ODF2: variants seen among roughly 807,000 people sequenced by gnomAD.
ODF2 encodes the protein outer dense fiber protein 2.
A neutral mutation model predicts 110.2 loss-of-function variants in ODF2; 47 were observed. The ratio of observed to expected loss-of-function variants is 0.43; its 90% CI spans 0.34 to 0.54. ODF2 has a LOEUF of 0.54. ODF2 is among the 20% of genes least tolerant of loss of function. The pLI, the probability that ODF2 is intolerant of heterozygous loss-of-function variation, is 0.03. For missense variants in ODF2, 812 were observed against 1,054.5 expected, an observed-to-expected ratio of 0.77 and a Z score of 3.19; for synonymous variants, 352 against 397.7, an observed-to-expected ratio of 0.89 and a Z score of 1.37.
intron 9 of ODF2, 33 bp downstream of exon 9, chr9:128,481,684 GTACAGGTGGCAAGAGCGTCGTTCCAC>G: frequency 6.4e-7 from 1 of 1,569,512 alleles, no homozygotes; most frequent in Non-Finnish European, 8.7e-7. Context: ...ACTCTAGTGG[GTACAGGTGGCAAGAGCGTCGTTCCAC>G]TACAAAGTGT....
intron 10 of ODF2, among the ~76,000 whole-genome samples, 174 bp downstream of exon 10, chr9:128,483,061 A>T (rs1842726088): frequency 6.6e-6 from 1 of 151,912 alleles, no homozygotes; most frequent in Admixed American, 6.6e-5. Flanking sequence ...ACGCCCAGCT[A>T]ATTTTTGTAT....
rs2132063129 is a variant in ODF2, at chr9:128,485,618, T to C, written c.1400+144T>C. 1 of 594,540 alleles carries C rather than the reference T, an allele frequency of 1.7e-6. No individual in the cohort carries two copies. Among genetic ancestry groups the C allele is most frequent in the Admixed American group, 2.9e-5 (1 of 34,980 alleles). 36.8% of individuals were successfully genotyped at this position (594,540 alleles called of 1,614,324 possible). A position where few individuals can be genotyped will look rare whatever the true frequency, so the allele number is the denominator to read the frequency against. Reference sequence around the variant, plus strand: ...GGGCTGCACTGGGCTGTGATGTGGGTAGCCCTGAGCTGGGCTTTCTGGTTG... The same window carrying C: ...GGGCTGCACTGGGCTGTGATGTGGGCAGCCCTGAGCTGGGCTTTCTGGTTG... On this transcript the variant is annotated intron_variant, in intron 13 of 20. Transcript: ENST00000604420. The surrounding 1 kb of genome is among the most constrained non-coding windows in gnomAD (Gnocchi z 5.0).
chr9:128,477,900 C>T (rs1412820160), intron 8 of ODF2, among the ~76,000 whole-genome samples: 3 of 152,014 alleles, frequency 2.0e-5, no homozygotes, highest in Admixed American at 6.6e-5. Flanking sequence ...TGCCCGGCCA[C>T]TCACCGCCCA....
intron 5 of ODF2, 95 bp from the exon 6 acceptor site, chr9:128,471,213 C>A: frequency 7.6e-7 from 1 of 1,313,094 alleles, no homozygotes; most frequent in Non-Finnish European, 1.0e-6. Context: ...CACGCCCGGC[C>A]GGGGCCTTAT....
chr9:128,487,409 T>G (rs1250633773), intron 13 of ODF2, among the ~76,000 whole-genome samples: 1 of 151,964 alleles, frequency 6.6e-6, no homozygotes, highest in African/African-American at 2.4e-5. Context: ...TGCTTCTCAG[T>G]GTGGAGATTG....
At chr9:128,482,644 A>G (rs1051135144) in intron 9 of ODF2, among the ~76,000 whole-genome samples, 172 bp from the exon 10 acceptor site, 9 of 152,134 alleles carry the variant, frequency 5.9e-5, no homozygotes, top group Non-Finnish European at 1.2e-4. Flanking sequence ...TCATTGTTTT[A>G]AAAAAATGTT....
intron 4 of ODF2, among the ~76,000 whole-genome samples, chr9:128,461,824 AC>A (rs1836544452): frequency 6.6e-6 from 1 of 152,200 alleles, no homozygotes; most frequent in Admixed American, 6.5e-5. Context: ...TTATAGTCAT[AC>A]CTCATAAAAC....
exon 11 of ODF2, chr9:128,484,030 C>G (rs568728523): frequency 5.0e-6 from 8 of 1,612,458 alleles, no homozygotes; most frequent in South Asian, 1.1e-5. Context: ...AGGCTGAGAA[C>G]AGTCGCCTGT....
At chr9:128,472,456 A>C (rs1840268620) in intron 6 of ODF2, among the ~76,000 whole-genome samples, 2 of 152,068 alleles carry the variant, frequency 1.3e-5, no homozygotes, top group Non-Finnish European at 2.9e-5. Context: ...TGATCTGCCC[A>C]CCTCGGCTTC....
chr9:128,455,937 C>G (rs1157362598), upstream of ODF2: 21 of 1,402,552 alleles, frequency 1.5e-5, no homozygotes, highest in Non-Finnish European at 1.9e-5. Context: ...GAGACCCGGC[C>G]AGGCCCGCTG....
rs11290748 is a variant in ODF2, at chr9:128,482,896, CTTTTT to C, written c.987+24_987+28del. 1,126 of 1,318,458 alleles carry C rather than the reference CTTTTT, an allele frequency of 8.5e-4. No individual in the cohort carries two copies. The highest frequency in any genetic ancestry group is 1.5e-3 in the Middle Eastern group (6 of 3,916). The allele number at this position is 1,318,458 out of a possible 1,614,324, so 81.7% of individuals were successfully genotyped here. On this transcript the variant is annotated intron_variant, in intron 10 of 20. Coordinates refer to ENST00000604420, the Ensembl canonical transcript of ODF2. ...AAATACAATGTGAGAAGGTAGTGTG[CTTTTT>C]TTTTTTTTTTTTTTAGACGGAGTCT...
At chr9:128,478,313 G>T (rs1345252364) in intron 8 of ODF2, among the ~76,000 whole-genome samples, 1 of 151,788 alleles carries the variant, frequency 6.6e-6, no homozygotes, top group Non-Finnish European at 1.5e-5. Flanking sequence ...AAAAAGGAAA[G>T]AAAGCCAGGC....
chr9:128,463,217 A>G (rs1588723450), intron 4 of ODF2, among the ~76,000 whole-genome samples: 1 of 152,208 alleles, frequency 6.6e-6, no homozygotes, highest in African/African-American at 2.4e-5. Context: ...AGCCATGATC[A>G]TGCCACTGCA....
At chr9:128,455,974 G>A, upstream of ODF2, 1 of 1,410,810 alleles carries the variant, frequency 7.1e-7, no homozygotes, top group Non-Finnish European at 9.2e-7. Context: ...CCTTGGTGAC[G>A]GGACGCGTGG....
intron 5 of ODF2, among the ~76,000 whole-genome samples, chr9:128,470,630 A>C (rs1839750465): frequency 6.6e-6 from 1 of 151,636 alleles, no homozygotes; most frequent in Non-Finnish European, 1.5e-5. Context: ...TTCAAAAGAA[A>C]AAAAAAAAAA....
rs796106746 is a variant in ODF2, at chr9:128,490,917, CATTTATTT to C, written c.1537-1492_1537-1485del. ...GATGAATAATTGGGTTATAGGAAGA[CATTTATTT>C]ATTTATTTATTTATTTTTAAAATTT... is the stretch of plus-strand genomic sequence containing the variant. On this transcript the variant is annotated intron_variant, in intron 14 of 20. Transcript: ENST00000604420. 3.3e-5 allele frequency among the ~76,000 whole-genome samples: 5 copies of C among 152,216 alleles called. No homozygotes were observed. The East Asian group carries it at 7.7e-4, about 23-fold the overall frequency.
chr9:128,462,129 A>G (rs1216050050), intron 4 of ODF2, among the ~76,000 whole-genome samples: 1 of 151,946 alleles, frequency 6.6e-6, no homozygotes, highest in Admixed American at 6.6e-5. Context: ...CAGCAAGCAT[A>G]TGGGATATCA....
intron 7 of ODF2, 176 bp downstream of exon 7, chr9:128,473,218 G>A: frequency 1.0e-6 from 1 of 985,268 alleles, no homozygotes; most frequent in South Asian, 4.7e-5. Flanking sequence ...CTTGACCCTT[G>A]AAGATGACCT....
chr9:128,458,970 G>A (rs1385656253), intron 2 of ODF2, among the ~76,000 whole-genome samples: 11 of 151,766 alleles, frequency 7.2e-5, no homozygotes, highest in African/African-American at 1.7e-4. Flanking sequence ...TCAGCCTCCC[G>A]AGTAGCTGGG....
Sources: gnomAD v4.1 joint callset for allele counts (sites outside exome capture counted in the v4.1 genomes callset) on GRCh38, gnomAD v4.1.1 for gene constraint, Gnocchi (gnomAD v3.1) non-coding constraint, MANE v1.5 for transcripts, NCBI Gene and HGNC (gene_info 2026-07-23, HGNC 2026-07-21) for gene names.